ADGRD1: variants seen among roughly 807,000 people sequenced by gnomAD.
ADGRD1 encodes the protein adhesion G protein-coupled receptor D1, also known as G-protein coupled receptor 133.
In ADGRD1, 77 loss-of-function variants were observed where a neutral mutation model predicts 113.4. The ratio of observed to expected loss-of-function variants is 0.68; its 90% CI spans 0.57 to 0.82. The LOEUF (loss-of-function observed/expected upper bound fraction) is 0.82. ADGRD1 is among the 40% of genes least tolerant of loss of function. The pLI, the probability that ADGRD1 is intolerant of heterozygous loss-of-function variation, is 0.00. For missense variants in ADGRD1, 1,036 were observed against 1,139.1 expected (o/e 0.91, Z 1.30); for synonymous variants, 474 against 475.0 (o/e 1.00, Z 0.03).
At chr12:130,963,476 A>ATC (rs761130396) in intron 2 of ADGRD1, among the ~76,000 whole-genome samples, 1 of 152,104 alleles carries the variant, frequency 6.6e-6, no homozygotes, top group South Asian at 2.1e-4. Context: ...CTCTCCAGAC[A>ATC]TCTCTCTCTC....
intron 13 of ADGRD1, among the ~76,000 whole-genome samples, chr12:131,067,292 G>A (rs56160113): frequency 0.29 from 44,216 of 152,150 alleles, 7,048 homozygotes; most frequent in South Asian, 0.48. Flanking sequence ...AATGGAGGAC[G>A]GAGATGCAGA....
intron 13 of ADGRD1, among the ~76,000 whole-genome samples, chr12:131,039,124 T>C (rs911738556): frequency 2.6e-5 from 4 of 152,184 alleles, no homozygotes; most frequent in Non-Finnish European, 4.4e-5. Context: ...GCATGGAGCC[T>C]GTGCTCCTCC....
intron 21 of ADGRD1, among the ~76,000 whole-genome samples, chr12:131,133,185 T>A (rs545167043): frequency 2.2e-4 from 34 of 151,924 alleles, no homozygotes; most frequent in Non-Finnish European, 2.5e-4. Flanking sequence ...AGCCCTCAGC[T>A]CCCCAGGCCC....
intron 13 of ADGRD1, among the ~76,000 whole-genome samples, chr12:131,036,628 C>CAAT: frequency 7.3e-6 from 1 of 136,698 alleles, no homozygotes; most frequent in Admixed American, 7.0e-5. Context: ...CCGCACCAGG[C>CAAT]CTCACTCACT....
chr12:131,002,708 C>A, intron 9 of ADGRD1: 1 of 1,222,652 alleles, frequency 8.2e-7, no homozygotes, highest in South Asian at 1.5e-5. Context: ...GTCAAGGCAG[C>A]CAGAGATAGC....
rs531498321 is a variant in ADGRD1 at position 131,050,692 on chromosome 12, G to T, written c.1474-26109G>T. ...CCAAGAGGGATGGTGTTAAGCCAGC[G>T]GTCCCCAGACATTTTGGCACCAGGG... On this transcript the variant is annotated intron_variant, in intron 13 of 24. Coordinates refer to ENST00000261654, the MANE Select transcript of ADGRD1 (RefSeq NM_198827.5). The surrounding 1 kb of genome is among the most constrained non-coding windows in gnomAD (Gnocchi z 4.8). 6.6e-6 allele frequency among the ~76,000 whole-genome samples: 1 copy of T among 152,206 alleles called. No homozygotes were observed. Among genetic ancestry groups the T allele is most frequent in the East Asian group, 1.9e-4 (1 of 5,164 alleles).
intron 13 of ADGRD1, among the ~76,000 whole-genome samples, chr12:131,046,143 G>A (rs1312274784): frequency 8.7e-6 from 1 of 115,480 alleles, no homozygotes; most frequent in African/African-American, 3.1e-5. Context: ...CTCCCTCTCT[G>A]CTCGGTGTCC....
At chr12:131,116,726 C>T (rs1171748370) in intron 18 of ADGRD1, among the ~76,000 whole-genome samples, 5 of 152,218 alleles carry the variant, frequency 3.3e-5, no homozygotes, top group Non-Finnish European at 4.4e-5. Flanking sequence ...TGAGCATCCT[C>T]CTGGGGAAAA....
intron 21 of ADGRD1, among the ~76,000 whole-genome samples, chr12:131,135,227 C>T (rs1355163624): frequency 6.6e-6 from 1 of 152,124 alleles, no homozygotes; most frequent in African/African-American, 2.4e-5. Context: ...TGGTTCTGCC[C>T]CTGATGAAAC....
At chr12:131,014,572 G>T (rs953191119) in intron 13 of ADGRD1, among the ~76,000 whole-genome samples, 5 of 152,196 alleles carry the variant, frequency 3.3e-5, no homozygotes, top group African/African-American at 2.4e-5. Flanking sequence ...TTGGGGAAGA[G>T]GCGTCGAGGT....
At chr12:131,062,510 A>G (rs186719177) in intron 13 of ADGRD1, among the ~76,000 whole-genome samples, 7 of 152,276 alleles carry the variant, frequency 4.6e-5, no homozygotes, top group Admixed American at 3.9e-4. Flanking sequence ...TAATCCCCAC[A>G]TATCAAAGGG....
chr12:131,133,932 T>C (rs1951002329), intron 21 of ADGRD1, among the ~76,000 whole-genome samples: 1 of 152,188 alleles, frequency 6.6e-6, no homozygotes, highest in African/African-American at 2.4e-5. Context: ...AAGATAAGAT[T>C]CTTCCTCAGG....
chr12:131,016,872 G>A (rs550154636), intron 13 of ADGRD1, among the ~76,000 whole-genome samples: 4 of 144,322 alleles, frequency 2.8e-5, no homozygotes, highest in East Asian at 2.0e-4. Flanking sequence ...CAGCCTGGGC[G>A]ATAGAGTGAG....
intron 13 of ADGRD1, chr12:131,070,591 G>A (rs1370234605): frequency 1.1e-5 from 3 of 266,290 alleles, no homozygotes; most frequent in East Asian, 9.2e-5. Flanking sequence ...GCTCTGCGGG[G>A]ACTCGGTGCG....
chr12:131,118,977 C>T lies in ADGRD1; in HGVS notation c.2108+526C>T, dbSNP rs532701295. 4.6e-5 allele frequency among the ~76,000 whole-genome samples: 7 copies of T among 152,226 alleles called. No individual in the cohort carries two copies. In the South Asian group the frequency reaches 1.2e-3, roughly 27 times the overall value. ...TATGATGTCCAGTATCTCCTGTTGC[C>T]ACTTGAAATGCAGCTCATGGGTCCA... On this transcript the variant is annotated intron_variant, in intron 19 of 24. Transcript: ENST00000261654.
rs989198551 is a variant in ADGRD1, at chr12:130,965,323, T to C, written c.104-1140T>C. ...TCTTATTTGTAATCGTTTTCCACTT[T>C]GGTTATCAGGCATACATCATTTGAA... On this transcript the variant is annotated intron_variant, in intron 2 of 24. Transcript: ENST00000261654. The surrounding 1 kb of genome is among the most constrained non-coding windows in gnomAD (Gnocchi z 4.8). Among the ~76,000 whole-genome samples, 6 of 152,250 alleles carry C rather than the reference T, an allele frequency of 3.9e-5. No individual in the cohort carries two copies. Among genetic ancestry groups the C allele is most frequent in the African/African-American group, 1.4e-4 (6 of 41,476 alleles).
intron 2 of ADGRD1, among the ~76,000 whole-genome samples, chr12:130,959,231 C>T (rs1303670896): frequency 6.6e-6 from 1 of 152,332 alleles, no homozygotes; most frequent in African/African-American, 2.4e-5. Context: ...TTCTTGTTTT[C>T]TGATTCTGGC....
chr12:131,104,999 T>A, intron 16 of ADGRD1, 65 bp downstream of exon 16: 1 of 1,141,286 alleles, frequency 8.8e-7, no homozygotes, highest in Non-Finnish European at 1.3e-6. Flanking sequence ...GATCTCAAGA[T>A]GGAAGAGACA....
intron 2 of ADGRD1, among the ~76,000 whole-genome samples, chr12:130,958,348 C>T (rs886144273): frequency 6.6e-6 from 1 of 151,950 alleles, no homozygotes; most frequent in African/African-American, 2.4e-5. Context: ...TACAGGCGCC[C>T]GTGACCAAGG....
Sources: gnomAD v4.1 joint callset for allele counts (sites outside exome capture counted in the v4.1 genomes callset) on GRCh38, gnomAD v4.1.1 for gene constraint, Gnocchi (gnomAD v3.1) non-coding constraint, MANE v1.5 for transcripts, NCBI Gene and HGNC (gene_info 2026-07-23, HGNC 2026-07-21) for gene names.